The following RABGAP1L variants were observed in gnomAD, a reference collection of about 807,000 sequenced individuals.
RABGAP1L encodes rab GTPase-activating protein 1-like.
In RABGAP1L, 63 loss-of-function variants were observed where a neutral mutation model predicts 137.7. That is an observed-to-expected ratio of 0.46 (90% confidence interval 0.37 to 0.56). The LOEUF is 0.56. Among genes scored for constraint, RABGAP1L ranks in the 20% least tolerant of loss-of-function variants. The pLI is 0.00. For synonymous variants in RABGAP1L, 431 were observed against 433.7 expected (o/e 0.99, Z 0.08); for missense variants, 1,095 against 1,244.0 (o/e 0.88, Z 1.80).
chr1:174,550,974 G>GTATATATACATATATATATATACACA (rs1666448490), intron 13 of RABGAP1L, among the ~76,000 whole-genome samples: 1 of 36,064 alleles, frequency 2.8e-5, no homozygotes, highest in Non-Finnish European at 4.7e-5. Flanking sequence ...ATATATACAT[G>GTATATATACATATATATATATACACA]TATATATACA....
intron 13 of RABGAP1L, among the ~76,000 whole-genome samples, chr1:174,614,433 C>T (rs576585347): frequency 6.6e-6 from 1 of 152,342 alleles, no homozygotes; most frequent in South Asian, 2.1e-4. Flanking sequence ...TGTAGACTTT[C>T]TGCCGAGAGA....
chr1:174,477,010 G>C (rs1026690975), intron 13 of RABGAP1L, among the ~76,000 whole-genome samples: 2 of 152,242 alleles, frequency 1.3e-5, no homozygotes, highest in African/African-American at 4.8e-5. Context: ...TGAAACATAG[G>C]GTTTGTGGCA....
chr1:174,352,897 G>A (rs1683317143), intron 11 of RABGAP1L, among the ~76,000 whole-genome samples: 1 of 152,180 alleles, frequency 6.6e-6, no homozygotes, highest in Non-Finnish European at 1.5e-5. Context: ...AGCAGGCAGA[G>A]ACTCTTGTTC....
In RABGAP1L at chr1:174,221,011, G is replaced by C; in HGVS notation, c.178G>C (p.Glu60Gln). ...NGDEQLEKAM[E>Q]EILRDSEKRP... ...TGATGAACAATTGGAAAAAGCCATG[G>C]AAGAGATTTTGAGAGATTCCGAGAA... Residue 60 changes from glutamate (E) to glutamine (Q), a missense_variant, in exon 3 of 26, where the codon GAA becomes CAA. Physicochemically the swap from Glu to Gln is conservative, Grantham distance 29 (BLOSUM62 2). Coordinates refer to ENST00000681986, the MANE Select transcript of RABGAP1L (RefSeq NM_001366446.1). 1 of 1,612,164 alleles carries C rather than the reference G, an allele frequency of 6.2e-7. No homozygotes were observed. The highest frequency in any genetic ancestry group is 8.5e-7 in the Non-Finnish European group (1 of 1,179,054).
chr1:174,549,181 G>A (rs74126826), intron 13 of RABGAP1L, among the ~76,000 whole-genome samples: 5,288 of 152,202 alleles, frequency 0.035, 122 homozygotes, highest in Middle Eastern at 0.088. Flanking sequence ...CATTTCTGCT[G>A]ACTCTTATTG....
intron 19 of RABGAP1L, among the ~76,000 whole-genome samples, chr1:174,861,875 G>A (rs1650322600): frequency 2.0e-5 from 3 of 151,948 alleles, no homozygotes. Flanking sequence ...TATATAGTTT[G>A]GAAATATTTT....
At chr1:174,225,930 C>T (rs1483169676) in intron 3 of RABGAP1L, among the ~76,000 whole-genome samples, 1 of 152,078 alleles carries the variant, frequency 6.6e-6, no homozygotes, top group East Asian at 1.9e-4. Flanking sequence ...CTTTGAGACA[C>T]ATTTCTTTTC....
chr1:174,400,120 T>C (rs1187559137), intron 13 of RABGAP1L, among the ~76,000 whole-genome samples: 1 of 152,194 alleles, frequency 6.6e-6, no homozygotes, highest in Non-Finnish European at 1.5e-5. Context: ...CCTACAAATA[T>C]GCTTTGTATG....
At chr1:174,685,713 G>A (rs1467784512) in intron 15 of RABGAP1L, among the ~76,000 whole-genome samples, 2 of 151,736 alleles carry the variant, frequency 1.3e-5, no homozygotes, top group African/African-American at 2.4e-5. Context: ...ACAGGCATGC[G>A]CCACCACACC....
intron 18 of RABGAP1L, among the ~76,000 whole-genome samples, chr1:174,784,186 A>AT (rs1687277189): frequency 6.6e-6 from 1 of 150,864 alleles, no homozygotes; most frequent in Admixed American, 6.6e-5. Flanking sequence ...CGCCCGGCCA[A>AT]TTTTTTGTAT....
intron 13 of RABGAP1L, among the ~76,000 whole-genome samples, chr1:174,476,177 T>C (rs1240649801): frequency 2.6e-5 from 4 of 152,180 alleles, no homozygotes; most frequent in Non-Finnish European, 5.9e-5. Context: ...ATCTTACCTA[T>C]GACAATTTTC....
At chr1:174,484,552 C>T (rs1659445612) in intron 13 of RABGAP1L, among the ~76,000 whole-genome samples, 1 of 152,134 alleles carries the variant, frequency 6.6e-6, no homozygotes, top group African/African-American at 2.4e-5. Flanking sequence ...AGATTTAAGT[C>T]TTTAATCCAT....
intron 14 of RABGAP1L, among the ~76,000 whole-genome samples, chr1:174,639,357 A>T (rs1674339986): frequency 6.6e-6 from 1 of 152,174 alleles, no homozygotes; most frequent in Non-Finnish European, 1.5e-5. Context: ...ACCAAAGACC[A>T]TTGGATGCCA....
chr1:174,317,771 C>A (rs1023741744), intron 11 of RABGAP1L, among the ~76,000 whole-genome samples: 47 of 152,210 alleles, frequency 3.1e-4, no homozygotes, highest in African/African-American at 1.1e-3. Flanking sequence ...TTGTACATAG[C>A]ACTGTAGCCC....
At chr1:174,939,768 T>C (rs1665539318) in intron 19 of RABGAP1L, among the ~76,000 whole-genome samples, 2 of 152,370 alleles carry the variant, frequency 1.3e-5, no homozygotes, top group Admixed American at 6.5e-5. Flanking sequence ...GAATATCCTA[T>C]GTTAAATGCA....
At chr1:174,885,785 G>A (rs1245894595) in intron 19 of RABGAP1L, among the ~76,000 whole-genome samples, 3 of 151,940 alleles carry the variant, frequency 2.0e-5, no homozygotes, top group Admixed American at 2.0e-4. Flanking sequence ...GGCTAACACA[G>A]TGAAACCCCG....
chr1:174,665,380 C>G (rs1055942318), intron 14 of RABGAP1L, among the ~76,000 whole-genome samples: 1 of 150,890 alleles, frequency 6.6e-6, no homozygotes, highest in African/African-American at 2.4e-5. Context: ...TTTTCTTTTC[C>G]TTTCCTTTCT....
rs141447470 is a variant in RABGAP1L at position 174,699,599 on chromosome 1, C to T, written c.1974C>T (p.Asn658=). The T allele has an allele frequency of 6.2e-7, 1 of 1,609,368 alleles. No individual in the cohort carries two copies. Among genetic ancestry groups the T allele is most frequent in the African/African-American group, 1.3e-5 (1 of 74,952 alleles). The part of the protein sequence containing the change: ...YDYGLRDLYR[N]NFEDLHCKFY... ...ATGGTTTGAGAGACCTCTACAGAAA[C>T]AACTTCGAAGATCTTCATTGCAAAT... The change falls in exon 16 of 26, where the codon AAC becomes AAT. Residue 658 remains asparagine (N), a synonymous_variant. Transcript: ENST00000681986.
intron 13 of RABGAP1L, among the ~76,000 whole-genome samples, chr1:174,504,411 A>AG (rs1389028066): frequency 7.0e-6 from 1 of 142,648 alleles, no homozygotes; most frequent in Non-Finnish European, 1.5e-5. Flanking sequence ...AGCAAACTTG[A>AG]GGGAAAAAAA....
Sources: allele counts gnomAD v4.1 joint callset (sites outside exome capture counted in the v4.1 genomes callset), GRCh38; gene constraint gnomAD v4.1.1; transcripts MANE v1.5; gene names NCBI Gene and HGNC (gene_info 2026-07-23, HGNC 2026-07-21).